The following TTC21A variants were observed in gnomAD, a reference collection of about 807,000 sequenced individuals.
The protein encoded by TTC21A is tetratricopeptide repeat protein 21A.
Under a neutral mutation model 156.4 loss-of-function variants are expected in TTC21A, and 128 were observed. The ratio of observed to expected loss-of-function variants is 0.82; its 90% CI spans 0.71 to 0.95. The LOEUF (loss-of-function observed/expected upper bound fraction) is 0.95, where lower values mean the gene tolerates loss of function less well. Ranked by LOEUF, TTC21A falls within the 40% of genes least tolerant of loss-of-function variation. TTC21A has a pLI of 0.00. For missense variants in TTC21A, 1,435 were observed against 1,602.3 expected (o/e 0.90, Z 1.78); for synonymous variants, 587 against 617.1 (o/e 0.95, Z 0.72).
chr3:39,121,325 GGT>G (rs2037752687), intron 9 of TTC21A, 136 bp downstream of exon 9: 18 of 713,712 alleles, frequency 2.5e-5, no homozygotes, highest in African/African-American at 5.4e-5. Flanking sequence ...TGTATGATGG[GGT>G]ATCTTTCTGG....
chr3:39,131,003 C>T lies in TTC21A; in HGVS notation c.2470C>T (p.Pro824Ser), dbSNP rs554562448. Residue 824 changes from proline to serine, a missense_variant, in exon 19 of 29, where the codon CCA becomes TCA. Pro to Ser is a moderately conservative substitution (Grantham distance 74). Transcript: ENST00000683103. ...ALEHDIVQDI[P>S]SMMNDVKCLL... ...TTTCCATTTAACAGTCCAAGACATC[C>T]CATCCATGATGAATGATGTTAAGTG... The T allele has an allele frequency of 6.2e-7, 1 of 1,613,746 alleles. No homozygotes were observed. The highest frequency in any genetic ancestry group is 1.1e-5 in the South Asian group (1 of 90,962).
intron 9 of TTC21A, among the ~76,000 whole-genome samples, chr3:39,123,118 C>A (rs2037907739): frequency 6.6e-6 from 1 of 152,150 alleles, no homozygotes; most frequent in Non-Finnish European, 1.5e-5. Context: ...TTTGGAGAGG[C>A]TATTATGTCA....
At chr3:39,110,299 C>G (rs2036701287) in intron 3 of TTC21A, 160 bp downstream of exon 3, 9 of 687,058 alleles carry the variant, frequency 1.3e-5, no homozygotes, top group East Asian at 2.7e-5. Context: ...TCCTCTCCCC[C>G]TGGAGGCCTG....
intron 7 of TTC21A, 144 bp from the exon 8 acceptor site, chr3:39,119,778 A>G: frequency 3.1e-6 from 2 of 644,886 alleles, no homozygotes; most frequent in Non-Finnish European, 5.6e-6. Flanking sequence ...ATTCACTTAA[A>G]TCTGAATTTC....
At position 39,129,332 on chromosome 3, in the gene TTC21A, A is replaced by G. The variant is rs549614536; in HGVS notation, c.2135+22A>G. On this transcript the variant is annotated intron_variant, in intron 15 of 28. Transcript: ENST00000683103. ...ACCGGTAAGCCCCACAGGCAGCACA[A>G]TGACAGCTTCTTCTCCAATGGTATC... 5 of 1,544,084 alleles carry G rather than the reference A, an allele frequency of 3.2e-6. No homozygotes were observed. The South Asian group carries it at 3.3e-5, about 10-fold the overall frequency.
rs773026574 is a variant in TTC21A, at chr3:39,109,214, G to T, written c.157G>T (p.Glu53Ter). The T allele has an allele frequency of 1.9e-6, 3 of 1,612,776 alleles. No homozygotes were observed. The highest frequency in any genetic ancestry group is 3.3e-5 in the Admixed American group (2 of 59,988). Residue 53 changes from glutamate to a stop codon, truncating the protein, a stop_gained and splice_region_variant, in exon 2 of 29, where the codon GAG (glutamate) becomes TAG (stop). Transcript: ENST00000683103. LOFTEE classifies it high-confidence loss of function. ...FFKAYGVLKE[E>*]HIQDAISDLE... ...TAAAGCCTATGGAGTCCTCAAAGAA[G>T]GTAAGGACTTGGCAGTGTTGGTCTT...
intron 4 of TTC21A, among the ~76,000 whole-genome samples, chr3:39,112,033 T>A (rs1260458446): frequency 6.6e-6 from 1 of 152,214 alleles, no homozygotes; most frequent in Non-Finnish European, 1.5e-5. Flanking sequence ...GGCCTCGTGC[T>A]GGCCTAAGGA....
chr3:39,127,074 C>T (rs946663419), intron 12 of TTC21A, among the ~76,000 whole-genome samples: 1 of 152,152 alleles, frequency 6.6e-6, no homozygotes, highest in African/African-American at 2.4e-5. Flanking sequence ...TCAGAGCCTC[C>T]AGGGGCCCTT....
chr3:39,112,493 A>G lies in TTC21A; in HGVS notation c.471A>G (p.Ser157=). 6 of 1,614,182 alleles carry G rather than the reference A, an allele frequency of 3.7e-6. No homozygotes were observed. Among genetic ancestry groups the G allele is most frequent in the Non-Finnish European group, 5.1e-6 (6 of 1,180,030 alleles). Residue 157 remains serine (S), a synonymous_variant, in exon 5 of 29, where the codon TCA becomes TCG. Coordinates refer to ENST00000683103, the MANE Select transcript of TTC21A (RefSeq NM_001366900.1). ...YVLRGWVDLT[S]DKPHTAKKAI... is the part of the protein sequence containing the mutation. ...TCAGAGGCTGGGTGGACCTGACCTCAGACAAGCCCCACACTGCGAAGAAAG... is the reference window on the plus strand; with the variant it reads ...TCAGAGGCTGGGTGGACCTGACCTCGGACAAGCCCCACACTGCGAAGAAAG...
At chr3:39,115,281 G>A (rs1197268415) in intron 6 of TTC21A, among the ~76,000 whole-genome samples, 1 of 152,046 alleles carries the variant, frequency 6.6e-6, no homozygotes, top group Non-Finnish European at 1.5e-5. Flanking sequence ...AGAGTGATCT[G>A]GAAGCATTGT....
chr3:39,116,580 A>G (rs965573262), intron 6 of TTC21A, among the ~76,000 whole-genome samples: 3 of 151,822 alleles, frequency 2.0e-5, no homozygotes, highest in Non-Finnish European at 2.9e-5. Context: ...GGCTCAAGTG[A>G]TCCTCCCAAC....
rs369674972 is a variant in TTC21A at position 39,107,895 on chromosome 3, C to T, written c.27+31C>T. 97 of 1,610,376 alleles carry T rather than the reference C, an allele frequency of 6.0e-5. 1 individual carries two copies. The highest frequency in any genetic ancestry group is 1.6e-4 in the Middle Eastern group (1 of 6,076). On this transcript the variant is annotated intron_variant, in intron 1 of 28. Coordinates refer to ENST00000683103, the MANE Select transcript of TTC21A (RefSeq NM_001366900.1). ...TGGCCCGGGCGCTGTCCGAGGGCTC[C>T]CTCGTGACTCCCCGCCCCTGACCCA... is the stretch of plus-strand genomic sequence containing the variant.
In TTC21A at chr3:39,135,147, T is replaced by C; in HGVS notation, c.2917T>C (p.Tyr973His). ...GAAACATGAAGCGGCCATCAATCTT[T>C]ACCACCAAGTCTTGGAGAAAGCGCC... ...KQKHEAAINL[Y>H]HQVLEKAPDN... Residue 973 changes from tyrosine to histidine, a missense_variant, in exon 22 of 29, where the codon TAC (tyrosine) becomes CAC (histidine). Coordinates refer to ENST00000683103, the MANE Select transcript of TTC21A (RefSeq NM_001366900.1). 1.2e-6 allele frequency: 2 copies of C among 1,614,194 alleles called. No individual in the cohort carries two copies. The highest frequency in any genetic ancestry group is 1.1e-5 in the South Asian group (1 of 91,084).
chr3:39,128,721 G>C lies in TTC21A; in HGVS notation c.1685G>C (p.Arg562Pro). Reference protein sequence around the residue: ...ELGVSHNFQVRDHPLYHLIKA... With the variant: ...ELGVSHNFQVPDHPLYHLIKA... ...ACTCTGCTGTGCTCCTCCTAGGTCC[G>C]AGATCACCCCCTCTACCACCTCATC... The change falls in exon 14 of 29, where the codon CGA (arginine) becomes CCA (proline). Residue 562 changes from arginine to proline, a missense_variant. Transcript: ENST00000683103. 6.2e-7 allele frequency: 1 copy of C among 1,614,030 alleles called. No individual in the cohort carries two copies. Among genetic ancestry groups the C allele is most frequent in the South Asian group, 1.1e-5 (1 of 91,070 alleles).
At chr3:39,129,011 G>T in intron 14 of TTC21A, 61 bp from the exon 15 acceptor site, 2 of 1,608,230 alleles carry the variant, frequency 1.2e-6, no homozygotes, top group Non-Finnish European at 8.5e-7. Context: ...CAGGTTCTTT[G>T]ATTCCACCCA....
Position 39,138,406 on chromosome 3 carries a change from G to A in TTC21A, c.3796+19G>A, listed in dbSNP as rs757422129. 7.4e-6 allele frequency: 12 copies of A among 1,613,976 alleles called. No individual in the cohort carries two copies. The Admixed American group carries it at 1.5e-4, about 20-fold the overall frequency. On this transcript the variant is annotated intron_variant, in intron 27 of 28. Coordinates refer to ENST00000683103, the MANE Select transcript of TTC21A (RefSeq NM_001366900.1). ...GCCATTGGTAAGGCAACCAGCCAGGGTGCACGTGAATGGACGTGGGAGGGA... is the reference window on the plus strand; with the variant it reads ...GCCATTGGTAAGGCAACCAGCCAGGATGCACGTGAATGGACGTGGGAGGGA...
chr3:39,109,123 C>T lies in TTC21A; in HGVS notation c.66C>T (p.His22=), dbSNP rs190808723. ...ACTATAGCCAGGAAAAGTACTTCCA[C>T]CATGTGCAGCAGGCTGCAGCTGTGG... ...IIYYSQEKYF[H]HVQQAAAVGL... Residue 22 remains histidine, a synonymous_variant, in exon 2 of 29, where the codon CAC becomes CAT. Coordinates refer to ENST00000683103, the MANE Select transcript of TTC21A (RefSeq NM_001366900.1). 1,622 of 1,614,142 alleles carry T rather than the reference C, an allele frequency of 1.0e-3. 4 individuals are homozygous for T. Among genetic ancestry groups the T allele is most frequent in the Admixed American group, 2.3e-3 (141 of 60,030 alleles).
At chr3:39,132,376 C>T (rs990162786) in intron 19 of TTC21A, among the ~76,000 whole-genome samples, 1 of 152,190 alleles carries the variant, frequency 6.6e-6, no homozygotes, top group Non-Finnish European at 1.5e-5. Flanking sequence ...GAGCCCCCGG[C>T]CATTCCTGTC....
In TTC21A at chr3:39,134,816, C is replaced by T. The variant is rs577720747; in HGVS notation, c.2863-277C>T. ...TTCCCCTGTAGGCTGTCAAAAAGCC[C>T]CACTGGTCTCTACCACTAGTCTTAC... is the stretch of plus-strand genomic sequence containing the variant. On this transcript the variant is annotated intron_variant, in intron 21 of 28. Transcript: ENST00000683103. This position sits in a 1 kb window ranked among gnomAD's most constrained non-coding sequence, Gnocchi z 4.6. 1.8e-6 allele frequency: 1 copy of T among 556,586 alleles called. No homozygotes were observed. Among genetic ancestry groups the T allele is most frequent in the African/African-American group, 1.9e-5 (1 of 53,176 alleles). The allele number at this position is 556,586 out of a possible 1,614,324, so 34.5% of individuals were successfully genotyped here. A position where few individuals can be genotyped will look rare whatever the true frequency, so the allele number is the denominator to read the frequency against.
Sources: gnomAD v4.1 joint callset for allele counts (sites outside exome capture counted in the v4.1 genomes callset) on GRCh38, gnomAD v4.1.1 for gene constraint, Gnocchi (gnomAD v3.1) non-coding constraint, MANE v1.5 for transcripts, NCBI Gene and HGNC (gene_info 2026-07-23, HGNC 2026-07-21) for gene names.